The following CHSY3 variants were observed in gnomAD, a reference collection of about 807,000 sequenced individuals.
CHSY3 encodes N-acetylgalactosaminyl-proteoglycan 3-beta-glucuronosyltransferase 3.
In CHSY3, 35 loss-of-function variants were observed where a neutral mutation model predicts 67.2. The ratio of observed to expected loss-of-function variants is 0.52; its 90% CI spans 0.40 to 0.69. The LOEUF (loss-of-function observed/expected upper bound fraction) is 0.69, where lower values mean the gene tolerates loss of function less well. Ranked by LOEUF, CHSY3 falls within the 30% of genes least tolerant of loss-of-function variation. The probability of loss-of-function intolerance (pLI) is 0.00; values close to 1 mark genes in which losing one functional copy is unlikely to be tolerated. For synonymous variants in CHSY3, 474 were observed against 434.7 expected (o/e 1.09, Z -1.12); for missense variants, 1,069 against 1,138.5 (o/e 0.94, Z 0.88).
At position 129,905,144 on chromosome 5, in the gene CHSY3, G is replaced by C. The variant is rs1760206968; in HGVS notation, c.315G>C (p.Gln105His). Residue 105 changes from glutamine to histidine, a missense_variant, in exon 1 of 3, where the codon CAG (glutamine) becomes CAC (histidine). Physicochemically the swap from Gln to His is conservative, Grantham distance 24 (BLOSUM62 0). Around this residue, in one of 5 missense-constraint regions of CHSY3, gnomAD observed 309 missense variants for 262.5 expected, o/e 1.18. Coordinates refer to ENST00000305031, the MANE Select transcript of CHSY3 (RefSeq NM_175856.5). ...GTTTTCGAAGCAGCCCCTGGCAGCA[G>C]CCACCTCCGCTGCAGCAGCGGCGGC... ...ITSFRSSPWQ[Q>H]PPPLQQRRRG... 6 of 1,531,686 alleles carry C rather than the reference G, an allele frequency of 3.9e-6. No homozygotes were observed. The highest frequency in any genetic ancestry group is 5.2e-6 in the Non-Finnish European group (6 of 1,145,386). 94.9% of individuals were successfully genotyped at this position (1,531,686 alleles called of 1,614,324 possible). A position where few individuals can be genotyped will look rare whatever the true frequency, so the allele number is the denominator to read the frequency against.
chr5:129,934,409 AAAAT>A (rs1218022443), intron 2 of CHSY3, among the ~76,000 whole-genome samples: 1 of 152,164 alleles, frequency 6.6e-6, no homozygotes, highest in Admixed American at 6.6e-5. Flanking sequence ...GAGAAAATGA[AAAAT>A]AAACAAACAT....
intron 2 of CHSY3, among the ~76,000 whole-genome samples, chr5:130,109,580 AG>A (rs370756469): frequency 1.0e-3 from 152 of 151,936 alleles, no homozygotes; most frequent in African/African-American, 3.5e-3. Flanking sequence ...TTAAAATTTC[AG>A]GAGTTCTAGT....
intron 2 of CHSY3, among the ~76,000 whole-genome samples, chr5:130,153,162 C>T (rs189680420): frequency 6.6e-5 from 10 of 152,112 alleles, no homozygotes; most frequent in African/African-American, 1.4e-4. Context: ...GTCTGGAAGG[C>T]GGAGGTTGCA....
intron 2 of CHSY3, among the ~76,000 whole-genome samples, chr5:130,127,785 A>G (rs1188006780): frequency 6.6e-6 from 1 of 152,170 alleles, no homozygotes; most frequent in East Asian, 1.9e-4. Context: ...AGATGAATTA[A>G]CAAGGTTTTG....
At chr5:130,164,230 T>A (rs1769654482) in intron 2 of CHSY3, among the ~76,000 whole-genome samples, 2 of 152,118 alleles carry the variant, frequency 1.3e-5, no homozygotes, top group Admixed American at 1.3e-4. Context: ...TGCCCTATAA[T>A]AAAGATACTT....
intron 2 of CHSY3, among the ~76,000 whole-genome samples, chr5:129,981,485 C>T (rs1006803458): frequency 1.3e-5 from 2 of 151,904 alleles, no homozygotes; most frequent in Admixed American, 6.6e-5. Context: ...TTATTTCTTT[C>T]TTCCAAATCT....
In CHSY3 at chr5:129,912,060, C is replaced by G. The variant is rs144894376; in HGVS notation, c.1086+3700C>G. 8.5e-5 allele frequency among the ~76,000 whole-genome samples: 13 copies of G among 152,088 alleles called. No individual in the cohort carries two copies. In the East Asian group the frequency reaches 2.5e-3, roughly 29 times the overall value. ...ACAGCAAGACTCCGTCTCAAAGAAA[C>G]AAACAAACAACAACAACAAAAAAAC... On this transcript the variant is annotated intron_variant, in intron 2 of 2. Transcript: ENST00000305031.
intron 2 of CHSY3, among the ~76,000 whole-genome samples, chr5:130,086,984 C>A (rs1260251120): frequency 6.6e-6 from 1 of 152,068 alleles, no homozygotes; most frequent in South Asian, 2.1e-4. Context: ...TACTGGCAAA[C>A]CGAATCCAGC....
At chr5:130,092,325 C>T (rs1360048495) in intron 2 of CHSY3, among the ~76,000 whole-genome samples, 1 of 152,178 alleles carries the variant, frequency 6.6e-6, no homozygotes, top group Non-Finnish European at 1.5e-5. Flanking sequence ...AGATGCCATA[C>T]ACAGAAAGCA....
At chr5:129,973,695 A>G (rs556898091) in intron 2 of CHSY3, among the ~76,000 whole-genome samples, 1 of 152,234 alleles carries the variant, frequency 6.6e-6, no homozygotes, top group South Asian at 2.1e-4. Context: ...CCTCTCCTAG[A>G]GGAATGATGA....
chr5:130,153,702 T>A (rs1769293617), intron 2 of CHSY3, among the ~76,000 whole-genome samples: 2 of 152,226 alleles, frequency 1.3e-5, no homozygotes, highest in African/African-American at 4.8e-5. Flanking sequence ...TTGTGAGCAC[T>A]GCTGCCAAGC....
intron 2 of CHSY3, among the ~76,000 whole-genome samples, chr5:130,075,573 A>G (rs1462452694): frequency 6.6e-6 from 1 of 152,210 alleles, no homozygotes; most frequent in East Asian, 1.9e-4. Context: ...CACTATGAAA[A>G]TATAAAGACA....
At chr5:130,031,584 A>T (rs1764704919) in intron 2 of CHSY3, among the ~76,000 whole-genome samples, 1 of 152,180 alleles carries the variant, frequency 6.6e-6, no homozygotes, top group Non-Finnish European at 1.5e-5. Context: ...GATCCCAGTG[A>T]ATTATACAAG....
intron 2 of CHSY3, among the ~76,000 whole-genome samples, chr5:129,928,663 G>A (rs945142244): frequency 1.8e-4 from 27 of 152,052 alleles, no homozygotes; most frequent in African/African-American, 6.5e-4. Flanking sequence ...TGCTAAACAA[G>A]TCTCAAATAT....
rs374558586 is a variant in CHSY3, at chr5:129,952,934, G to A, written c.1086+44574G>A. Among the ~76,000 whole-genome samples, 33 of 152,234 alleles carry A rather than the reference G, an allele frequency of 2.2e-4. No individual in the cohort carries two copies. The East Asian group carries it at 5.8e-3, about 27-fold the overall frequency. ...TGGCAAACTTTTATTTGAGACTTCA[G>A]TACACGAACAAATAAGAATGACTGA... On this transcript the variant is annotated intron_variant, in intron 2 of 2. Coordinates refer to ENST00000305031, the MANE Select transcript of CHSY3 (RefSeq NM_175856.5).
intron 2 of CHSY3, among the ~76,000 whole-genome samples, chr5:130,160,944 G>T (rs181059783): frequency 2.5e-3 from 358 of 144,804 alleles, no homozygotes; most frequent in Middle Eastern, 0.015. Context: ...TCACTTTGTC[G>T]CCCAGGCTGG....
intron 2 of CHSY3, among the ~76,000 whole-genome samples, chr5:129,963,056 G>T (rs773042374): frequency 6.6e-6 from 1 of 151,774 alleles, no homozygotes; most frequent in Non-Finnish European, 1.5e-5. Flanking sequence ...TGGTAAAGCC[G>T]GAATAATGAG....
At chr5:130,101,415 ATATGAT>A (rs1321367186) in intron 2 of CHSY3, among the ~76,000 whole-genome samples, 3 of 152,252 alleles carry the variant, frequency 2.0e-5, no homozygotes, top group Non-Finnish European at 4.4e-5. Context: ...TACCAAAAAG[ATATGAT>A]TATGTCAGTT....
chr5:130,130,362 C>A (rs1231610819), intron 2 of CHSY3, among the ~76,000 whole-genome samples: 1 of 152,138 alleles, frequency 6.6e-6, no homozygotes, highest in Non-Finnish European at 1.5e-5. Flanking sequence ...AATCCATATA[C>A]CTAAATCTAT....
Sources: gnomAD v4.1 joint callset for allele counts (sites outside exome capture counted in the v4.1 genomes callset) on GRCh38, gnomAD v4.1.1 for gene constraint, gnomAD v4.1.1 regional missense constraint, MANE v1.5 for transcripts, NCBI Gene and HGNC (gene_info 2026-07-23, HGNC 2026-07-21) for gene names.